The following RND2 variants were observed in gnomAD, a reference collection of about 807,000 sequenced individuals.
RND2 encodes Rho family GTPase 2, also known as rho-related GTP-binding protein RhoN.
In RND2, 16 loss-of-function variants were observed where a neutral mutation model predicts 25.9. That is an observed-to-expected ratio of 0.62 (90% confidence interval 0.42 to 0.94). The LOEUF (loss-of-function observed/expected upper bound fraction) is 0.94, where lower values mean the gene tolerates loss of function less well. RND2 is among the 40% of genes least tolerant of loss of function. The pLI, the probability that RND2 is intolerant of heterozygous loss-of-function variation, is 0.00. For missense variants in RND2, 276 were observed against 305.5 expected, an observed-to-expected ratio of 0.90 and a Z score of 0.72; for synonymous variants, 97 against 118.1, an observed-to-expected ratio of 0.82 and a Z score of 1.16.
At chr17:43,027,975 G>A in intron 3 of RND2, 86 bp from the exon 4 acceptor site, 1 of 1,472,470 alleles carries the variant, frequency 6.8e-7, no homozygotes, top group Non-Finnish European at 9.2e-7. Flanking sequence ...GCTTGAGGAA[G>A]AGAGGGCACA....
chr17:43,026,540 C>T (rs1294163054), intron 2 of RND2, among the ~76,000 whole-genome samples: 1 of 152,244 alleles, frequency 6.6e-6, no homozygotes, highest in Admixed American at 6.5e-5. Context: ...ATCTCAGCTA[C>T]CAGGAGGCTG....
In RND2 at chr17:43,025,289, G is replaced by C; in HGVS notation, c.-59G>C. On this transcript the variant is annotated 5_prime_UTR_variant, in exon 1 of 5. Transcript: ENST00000587250. ...AGCGGCTGCAGTTGCAGGGGCGGGG[G>C]AGGCGGCGGCGGGGCCCGGGAGAGG... The C allele has an allele frequency of 1.4e-6, 2 of 1,426,666 alleles. No homozygotes were observed. The highest frequency in any genetic ancestry group is 1.9e-6 in the Non-Finnish European group (2 of 1,077,920). 88.4% of individuals were successfully genotyped at this position (1,426,666 alleles called of 1,614,324 possible). A position where few individuals can be genotyped will look rare whatever the true frequency, so the allele number is the denominator to read the frequency against.
Position 43,029,296 on chromosome 17 carries a change from A to G in RND2, c.*616A>G, listed in dbSNP as rs2050652341. ...TACCAATCTTTAGCAGTAAGAGGGA[A>G]AGTTAGACCTCAGCTGGGGAACTTT... On this transcript the variant is annotated 3_prime_UTR_variant, in exon 5 of 5. Transcript: ENST00000587250. 1 of 154,462 alleles carries G rather than the reference A, an allele frequency of 6.5e-6. No individual in the cohort carries two copies. Among genetic ancestry groups the G allele is most frequent in the Non-Finnish European group, 1.4e-5 (1 of 69,488 alleles). The allele number at this position is 154,462 out of a possible 1,614,324, so 9.6% of individuals were successfully genotyped here.
Position 43,028,153 on chromosome 17 carries a change from G to T in RND2, c.393G>T (p.Arg131Ser). ...LDMRTDLATL[R>S]ELSKQRLIPV... is the part of the protein sequence containing the mutation. ...TGCGGACTGACCTGGCCACACTGAG[G>T]GAGCTGTCCAAGCAGAGGCTTATCC... The change falls in exon 4 of 5, where the codon AGG (arginine) becomes AGT (serine). Residue 131 changes from arginine to serine, a missense_variant. Physicochemically the swap from Arg to Ser is moderately radical, Grantham distance 110 (BLOSUM62 -1). Transcript: ENST00000587250. 1.2e-6 allele frequency: 2 copies of T among 1,614,188 alleles called. No homozygotes were observed. The highest frequency in any genetic ancestry group is 1.7e-6 in the Non-Finnish European group (2 of 1,180,036).
At position 43,027,255 on chromosome 17, in the gene RND2, T is replaced by C; in HGVS notation, c.263T>C (p.Ile88Thr). ...DSDAVLICFD[I>T]SRPETLDSVL... ...GATGCTGTGCTCATCTGCTTCGACA[T>C]TAGCCGACCAGAAACACTGGACAGT... The change falls in exon 3 of 5, where the codon ATT (isoleucine) becomes ACT (threonine). Residue 88 changes from isoleucine (I) to threonine (T), a missense_variant. Physicochemically the swap from Ile to Thr is moderately conservative, Grantham distance 89. Coordinates refer to ENST00000587250, the MANE Select transcript of RND2 (RefSeq NM_005440.5). 1 of 1,613,110 alleles carries C rather than the reference T, an allele frequency of 6.2e-7. No homozygotes were observed. The highest frequency in any genetic ancestry group is 1.1e-5 in the South Asian group (1 of 90,940).
At chr17:43,027,917 C>T in intron 3 of RND2, 144 bp from the exon 4 acceptor site, 1 of 979,552 alleles carries the variant, frequency 1.0e-6, no homozygotes, top group East Asian at 2.6e-5. Flanking sequence ...AGCATTCTCA[C>T]CTCCTTCCTC....
rs1453766108 is a variant in RND2, at chr17:43,031,996, A to G, written c.*3316A>G. Reference sequence around the variant, plus strand: ...TAGACATTGGTTTGGGAAACAATGTAGCCTCGTTAAACATTTAATGAAATA... The same window carrying G: ...TAGACATTGGTTTGGGAAACAATGTGGCCTCGTTAAACATTTAATGAAATA... On this transcript the variant is annotated 3_prime_UTR_variant, in exon 5 of 5. Coordinates refer to ENST00000587250, the MANE Select transcript of RND2 (RefSeq NM_005440.5). 6.6e-6 allele frequency: 1 copy of G among 150,572 alleles called. No homozygotes were observed. Among genetic ancestry groups the G allele is most frequent in the Non-Finnish European group, 1.5e-5 (1 of 67,866 alleles). The allele number at this position is 150,572 out of a possible 1,614,324, so 9.3% of individuals were successfully genotyped here.
In RND2 at chr17:43,028,725, C is replaced by A. The variant is rs761635459; in HGVS notation, c.*45C>A. 5 of 1,512,312 alleles carry A rather than the reference C, an allele frequency of 3.3e-6. No individual in the cohort carries two copies. The highest frequency in any genetic ancestry group is 2.1e-4 in the Middle Eastern group (1 of 4,754). 93.7% of individuals were successfully genotyped at this position (1,512,312 alleles called of 1,614,324 possible). A position where few individuals can be genotyped will look rare whatever the true frequency, so the allele number is the denominator to read the frequency against. On this transcript the variant is annotated 3_prime_UTR_variant, in exon 5 of 5. Coordinates refer to ENST00000587250, the MANE Select transcript of RND2 (RefSeq NM_005440.5). ...GTGTGAAGAGGGGTGGTGAGGGACA[C>A]AATTGTTCCCCTGCCTGCGCCCAGG...
At chr17:43,025,900 C>CATTTAT in intron 1 of RND2, 60 bp from the exon 2 acceptor site, 1 of 1,200,846 alleles carries the variant, frequency 8.3e-7, no homozygotes. Context: ...GTGAGGAGGG[C>CATTTAT]ATTTATCTGG....
At chr17:43,027,655 CCA>C (rs1272262823) in intron 3 of RND2, among the ~76,000 whole-genome samples, 3 of 152,110 alleles carry the variant, frequency 2.0e-5, no homozygotes, top group Non-Finnish European at 2.9e-5. Context: ...TCTCCAGGCC[CCA>C]GTTTCCATGA....
intron 1 of RND2, 188 bp downstream of exon 1, chr17:43,025,637 A>G (rs1287947624): frequency 3.0e-6 from 1 of 332,080 alleles, no homozygotes; most frequent in Non-Finnish European, 4.3e-6. Context: ...ATTAGGGAGC[A>G]GGGTGAGATA....
intron 1 of RND2, 152 bp from the exon 2 acceptor site, chr17:43,025,808 G>GCA: frequency 4.8e-6 from 1 of 209,782 alleles, no homozygotes; most frequent in Non-Finnish European, 8.7e-6. Context: ...GGGGGGGGGG[G>GCA]GGGCAGGAGC....
In RND2 at chr17:43,025,415, T is replaced by G; in HGVS notation, c.68T>G (p.Leu23Arg). 2 of 1,546,082 alleles carry G rather than the reference T, an allele frequency of 1.3e-6. No individual in the cohort carries two copies. The highest frequency in any genetic ancestry group is 1.7e-6 in the Non-Finnish European group (2 of 1,146,390). ...GACGCAGAGTGCGGCAAGACGGCGCTGCTGCAGGTGTTCGCCAAGGACGCC... is the reference window on the plus strand; with the variant it reads ...GACGCAGAGTGCGGCAAGACGGCGCGGCTGCAGGTGTTCGCCAAGGACGCC... ...VGDAECGKTA[L>R]LQVFAKDAYP... Residue 23 changes from leucine to arginine, a missense_variant, in exon 1 of 5, where the codon CTG (leucine) becomes CGG (arginine). Physicochemically the swap from Leu to Arg is moderately radical, Grantham distance 102. Transcript: ENST00000587250.
At chr17:43,025,811 G>GGGGGC (rs2050617633) in intron 1 of RND2, 149 bp from the exon 2 acceptor site, 3 of 50,166 alleles carry the variant, frequency 6.0e-5, no homozygotes, top group East Asian at 4.1e-4. Flanking sequence ...GGGGGGGGGG[G>GGGGGC]CAGGAGCTCC....
chr17:43,027,297 G>C lies in RND2; in HGVS notation c.300+5G>C. Reference sequence around the variant, plus strand: ...CTGGACAGTGTTCTCAAGAAGGTGGGAGCCTGGGGAAATAGGGCAGCTAGA... The same window carrying C: ...CTGGACAGTGTTCTCAAGAAGGTGGCAGCCTGGGGAAATAGGGCAGCTAGA... On this transcript the variant is annotated splice_donor_5th_base_variant and intron_variant, in intron 3 of 4. Transcript: ENST00000587250. 1 of 1,598,998 alleles carries C rather than the reference G, an allele frequency of 6.3e-7. No homozygotes were observed. The highest frequency in any genetic ancestry group is 8.5e-7 in the Non-Finnish European group (1 of 1,169,910).
At position 43,025,327 on chromosome 17, in the gene RND2, G is replaced by A. The variant is rs778530993; in HGVS notation, c.-21G>A. Reference sequence around the variant, plus strand: ...GGCCCGGGAGAGGGGTGGCGTGGGGGACCGGCGCGTAGCCGGGACCATGGA... The same window carrying A: ...GGCCCGGGAGAGGGGTGGCGTGGGGAACCGGCGCGTAGCCGGGACCATGGA... On this transcript the variant is annotated 5_prime_UTR_variant, in exon 1 of 5. Coordinates refer to ENST00000587250, the MANE Select transcript of RND2 (RefSeq NM_005440.5). 19 of 1,524,088 alleles carry A rather than the reference G, an allele frequency of 1.2e-5. No homozygotes were observed. The highest frequency in any genetic ancestry group is 4.6e-4 in the Middle Eastern group (2 of 4,332). The allele number at this position is 1,524,088 out of a possible 1,614,324, so 94.4% of individuals were successfully genotyped here. A position where few individuals can be genotyped will look rare whatever the true frequency, so the allele number is the denominator to read the frequency against.
At position 43,030,774 on chromosome 17, in the gene RND2, C is replaced by T. The variant is rs555057464; in HGVS notation, c.*2094C>T. 8 of 152,246 alleles carry T rather than the reference C, an allele frequency of 5.3e-5. No individual in the cohort carries two copies. Among genetic ancestry groups the T allele is most frequent in the African/African-American group, 1.9e-4 (8 of 41,504 alleles). 9.4% of individuals were successfully genotyped at this position (152,246 alleles called of 1,614,324 possible). A position where few individuals can be genotyped will look rare whatever the true frequency, so the allele number is the denominator to read the frequency against. On this transcript the variant is annotated 3_prime_UTR_variant, in exon 5 of 5. Coordinates refer to ENST00000587250, the MANE Select transcript of RND2 (RefSeq NM_005440.5). Reference sequence around the variant, plus strand: ...ACAAGGCTAGGAAGGTACACTGAGGCTACTGCAGGGTCCACAGAGGAATCA... The same window carrying T: ...ACAAGGCTAGGAAGGTACACTGAGGTTACTGCAGGGTCCACAGAGGAATCA...
chr17:43,025,289 G>A lies in RND2; in HGVS notation c.-59G>A. On this transcript the variant is annotated 5_prime_UTR_variant, in exon 1 of 5. Coordinates refer to ENST00000587250, the MANE Select transcript of RND2 (RefSeq NM_005440.5). The stretch of plus-strand genomic sequence containing the variant: ...AGCGGCTGCAGTTGCAGGGGCGGGG[G>A]AGGCGGCGGCGGGGCCCGGGAGAGG... 2.8e-6 allele frequency: 4 copies of A among 1,426,666 alleles called. No homozygotes were observed. The highest frequency in any genetic ancestry group is 3.7e-6 in the Non-Finnish European group (4 of 1,077,920). 88.4% of individuals were successfully genotyped at this position (1,426,666 alleles called of 1,614,324 possible).
Position 43,029,847 on chromosome 17 carries a change from T to G in RND2, c.*1167T>G, listed in dbSNP as rs1356715437. 7.5e-6 allele frequency: 1 copy of G among 134,184 alleles called. No individual in the cohort carries two copies. The highest frequency in any genetic ancestry group is 2.2e-4 in the East Asian group (1 of 4,644). 8.3% of individuals were successfully genotyped at this position (134,184 alleles called of 1,614,324 possible). Reference sequence around the variant, plus strand: ...TGAACCTGGGAGGCGGAGCTTGCAGTGAGCCGAGATTGCGCCACTGCATTC... The same window carrying G: ...TGAACCTGGGAGGCGGAGCTTGCAGGGAGCCGAGATTGCGCCACTGCATTC... On this transcript the variant is annotated 3_prime_UTR_variant, in exon 5 of 5. Transcript: ENST00000587250.
Sources: gnomAD v4.1 joint callset for allele counts (sites outside exome capture counted in the v4.1 genomes callset) on GRCh38, gnomAD v4.1.1 for gene constraint, MANE v1.5 for transcripts, NCBI Gene and HGNC (gene_info 2026-07-23, HGNC 2026-07-21) for gene names.